Variants in KATNA1 observed in about 807,000 individuals in gnomAD.
KATNA1 encodes the protein katanin p60 ATPase-containing subunit A1.
KATNA1 carries 42 observed loss-of-function variants against 62.6 expected under a neutral mutation model. The ratio of observed to expected loss-of-function variants is 0.67; its 90% CI spans 0.52 to 0.87. The LOEUF is 0.87. Among genes scored for constraint, KATNA1 ranks in the 40% least tolerant of loss-of-function variants. The pLI, the probability that KATNA1 is intolerant of heterozygous loss-of-function variation, is 0.00. For synonymous variants in KATNA1, 186 were observed against 201.9 expected (o/e 0.92, Z 0.67); for missense variants, 498 against 612.5 (o/e 0.81, Z 1.97).
chr6:149,640,484 C>A (rs1021464267), intron 1 of KATNA1, among the ~76,000 whole-genome samples: 1 of 151,968 alleles, frequency 6.6e-6, no homozygotes, highest in African/African-American at 2.4e-5. Flanking sequence ...TAAAAAAAGA[C>A]AAAAAAGCTC....
At chr6:149,614,491 G>A (rs1250224175) in intron 4 of KATNA1, among the ~76,000 whole-genome samples, 8 of 152,178 alleles carry the variant, frequency 5.3e-5, no homozygotes, top group Middle Eastern at 3.2e-3. Context: ...GTCTCTGTGA[G>A]TCACACATGG....
At chr6:149,629,718 G>A (rs1779760243) in intron 3 of KATNA1, among the ~76,000 whole-genome samples, 1 of 151,854 alleles carries the variant, frequency 6.6e-6, no homozygotes, top group Non-Finnish European at 1.5e-5. Flanking sequence ...TTATAATAAT[G>A]AAAAAAGAAG....
chr6:149,617,537 C>G (rs948519343), intron 4 of KATNA1, among the ~76,000 whole-genome samples: 1 of 152,240 alleles, frequency 6.6e-6, no homozygotes, highest in African/African-American at 2.4e-5. Flanking sequence ...CGCAGTGGCT[C>G]ACGCCTGTAA....
chr6:149,608,436 C>CA, intron 4 of KATNA1, among the ~76,000 whole-genome samples: 1 of 152,232 alleles, frequency 6.6e-6, no homozygotes, highest in South Asian at 2.1e-4. Flanking sequence ...TCTTTCTAGG[C>CA]AAAGGACCAA....
At chr6:149,607,026 A>G (rs1281947746) in intron 4 of KATNA1, among the ~76,000 whole-genome samples, 1 of 152,236 alleles carries the variant, frequency 6.6e-6, no homozygotes, top group Non-Finnish European at 1.5e-5. Context: ...CTGTGTTAGC[A>G]GCTATGGAGA....
At position 149,598,236 on chromosome 6, in the gene KATNA1, C is replaced by G. The variant is rs772366653; in HGVS notation, c.1003G>C (p.Val335Leu). The G allele has an allele frequency of 6.2e-7, 1 of 1,613,942 alleles. No individual in the cohort carries two copies. Among genetic ancestry groups the G allele is most frequent in the Non-Finnish European group, 8.5e-7 (1 of 1,179,988 alleles). ...TAAACACAGATACCATCCATCTGAA[C>G]CAGCAGCTCCGCTTTCACCCTTCTG... ...ASRRVKAELL[V>L]QMDGVGGTSE... The change falls in exon 8 of 11, where the codon GTT (valine) becomes CTT (leucine). Residue 335 changes from valine to leucine, a missense_variant. Coordinates refer to ENST00000367411, the MANE Select transcript of KATNA1 (RefSeq NM_007044.4).
intron 3 of KATNA1, among the ~76,000 whole-genome samples, chr6:149,627,380 A>C (rs1251524106): frequency 6.6e-6 from 1 of 151,608 alleles, no homozygotes; most frequent in Non-Finnish European, 1.5e-5. Flanking sequence ...AGCCTGGCAA[A>C]TATGGCGAAA....
intron 3 of KATNA1, among the ~76,000 whole-genome samples, chr6:149,623,725 G>A (rs771422117): frequency 2.0e-5 from 3 of 151,982 alleles, no homozygotes; most frequent in African/African-American, 4.8e-5. Flanking sequence ...GCAACAGAAC[G>A]AGACTCCGTT....
intron 4 of KATNA1, among the ~76,000 whole-genome samples, chr6:149,605,970 T>G (rs1778721453): frequency 6.6e-6 from 1 of 152,068 alleles, no homozygotes; most frequent in South Asian, 2.1e-4. Context: ...ACGTTGGCCA[T>G]GCTAGTCTTG....
intron 5 of KATNA1, 38 bp from the exon 6 acceptor site, chr6:149,603,411 G>A: frequency 1.0e-6 from 1 of 965,722 alleles, no homozygotes; most frequent in Non-Finnish European, 1.7e-6. Flanking sequence ...CCCTTTAGAT[G>A]ATACATGTCT....
chr6:149,613,366 T>C (rs1779042900), intron 4 of KATNA1, among the ~76,000 whole-genome samples: 1 of 151,992 alleles, frequency 6.6e-6, no homozygotes, highest in South Asian at 2.1e-4. Context: ...CTGGAAGTTC[T>C]AGCCAATGCA....
intron 1 of KATNA1, among the ~76,000 whole-genome samples, chr6:149,647,383 G>A (rs1780528216): frequency 6.6e-6 from 1 of 151,724 alleles, no homozygotes; most frequent in Non-Finnish European, 1.5e-5. Flanking sequence ...TTTGCCGCGC[G>A]TAGTGGAGCG....
intron 1 of KATNA1, among the ~76,000 whole-genome samples, chr6:149,641,423 G>A (rs538737558): frequency 3.4e-5 from 5 of 146,700 alleles, no homozygotes; most frequent in East Asian, 4.2e-4. Flanking sequence ...GGATCTACCC[G>A]CCTAGGCCTC....
intron 4 of KATNA1, among the ~76,000 whole-genome samples, chr6:149,607,457 C>G (rs1396096633): frequency 6.6e-6 from 1 of 152,026 alleles, no homozygotes; most frequent in African/African-American, 2.4e-5. Flanking sequence ...ACTAAAAATA[C>G]AAAAATATTA....
Position 149,595,175 on chromosome 6 carries a change from C to T in KATNA1, c.1337G>A (p.Arg446Gln), listed in dbSNP as rs748608795. The T allele has an allele frequency of 7.4e-6, 12 of 1,614,020 alleles. No homozygotes were observed. The highest frequency in any genetic ancestry group is 6.7e-5 in the East Asian group (3 of 44,856). The change falls in exon 11 of 11, where the codon CGA becomes CAA. Residue 446 changes from arginine (R) to glutamine (Q), a missense_variant. Transcript: ENST00000367411. Reference sequence around the variant, plus strand: ...GTGCATTTCTTCTTTGGAAAGATTTCGGATTTCCTCTGGAGTCAAACCTTC... The same window carrying T: ...GTGCATTTCTTCTTTGGAAAGATTTTGGATTTCCTCTGGAGTCAAACCTTC... Reference protein sequence around the residue: ...RIEGLTPEEIRNLSKEEMHMP... With the variant: ...RIEGLTPEEIQNLSKEEMHMP...
intron 4 of KATNA1, among the ~76,000 whole-genome samples, chr6:149,614,194 G>A (rs1473056637): frequency 2.0e-5 from 3 of 152,176 alleles, no homozygotes; most frequent in Non-Finnish European, 4.4e-5. Flanking sequence ...CAGTTCACAG[G>A]AGCCAGGATG....
chr6:149,610,919 T>C (rs1191513252), intron 4 of KATNA1, among the ~76,000 whole-genome samples: 2 of 152,110 alleles, frequency 1.3e-5, no homozygotes, highest in East Asian at 3.9e-4. Context: ...ACCCCGTCTC[T>C]TCTAAAAATA....
intron 1 of KATNA1, among the ~76,000 whole-genome samples, chr6:149,642,936 C>G (rs1334671703): frequency 6.6e-6 from 1 of 152,220 alleles, no homozygotes; most frequent in Non-Finnish European, 1.5e-5. Flanking sequence ...CACTCAATGA[C>G]CTTTGCCTCT....
intron 1 of KATNA1, among the ~76,000 whole-genome samples, chr6:149,639,232 G>A (rs1255939580): frequency 6.6e-6 from 1 of 152,084 alleles, no homozygotes; most frequent in East Asian, 1.9e-4. Flanking sequence ...CAGGGTAGCA[G>A]AGGTTGCAGT....
Sources: gnomAD v4.1 joint callset for allele counts (sites outside exome capture counted in the v4.1 genomes callset) on GRCh38, gnomAD v4.1.1 for gene constraint, MANE v1.5 for transcripts, NCBI Gene and HGNC (gene_info 2026-07-23, HGNC 2026-07-21) for gene names.